The following RCSD1 variants were observed in gnomAD, a reference collection of about 807,000 sequenced individuals.
RCSD1 encodes the protein capZ-interacting protein.
A neutral mutation model predicts 42.5 loss-of-function variants in RCSD1; 26 were observed. The observed-to-expected ratio is 0.61, with a 90% CI of 0.45 to 0.85. The LOEUF is 0.85. Ranked by LOEUF, RCSD1 falls within the 40% of genes least tolerant of loss-of-function variation. RCSD1 has a pLI of 0.00. For synonymous variants in RCSD1, 220 were observed against 212.2 expected, an observed-to-expected ratio of 1.04 and a Z score of -0.32; for missense variants, 571 against 528.3, an observed-to-expected ratio of 1.08 and a Z score of -0.79.
Position 167,697,681 on chromosome 1 carries a change from C to G in RCSD1, c.1057C>G (p.Pro353Ala). 1 of 1,604,696 alleles carries G rather than the reference C, an allele frequency of 6.2e-7. No homozygotes were observed. The highest frequency in any genetic ancestry group is 8.5e-7 in the Non-Finnish European group (1 of 1,175,962). ...AAVKETPHSP[P>A]GGVKGGDVPK... Reference sequence around the variant, plus strand: ...AGTGAAGGAGACCCCCCACAGTCCCCCTGGAGGAGTGAAGGGCGGAGATGT... The same window carrying G: ...AGTGAAGGAGACCCCCCACAGTCCCGCTGGAGGAGTGAAGGGCGGAGATGT... Residue 353 changes from proline to alanine, a missense_variant, in exon 6 of 7, where the codon CCT (proline) becomes GCT (alanine). Transcript: ENST00000367854.
At chr1:167,654,083 G>A (rs16859384) in intron 1 of RCSD1, among the ~76,000 whole-genome samples, 55,997 of 152,018 alleles carry the variant, frequency 0.37, 10,580 homozygotes, top group East Asian at 0.61. Flanking sequence ...GTAGTTTTCA[G>A]GATCAAATGA....
chr1:167,693,001 A>G (rs58089954), intron 4 of RCSD1, among the ~76,000 whole-genome samples: 5,325 of 152,296 alleles, frequency 0.035, 125 homozygotes, highest in African/African-American at 0.066. Flanking sequence ...GTTTGGACAG[A>G]CAAAGAATCT....
At chr1:167,684,385 C>A (rs1659169346) in intron 2 of RCSD1, among the ~76,000 whole-genome samples, 1 of 152,178 alleles carries the variant, frequency 6.6e-6, no homozygotes, top group Non-Finnish European at 1.5e-5. Flanking sequence ...CAAGGCAAGG[C>A]TGGGGCAGAC....
At chr1:167,672,069 A>ACTC (rs200679630) in intron 1 of RCSD1, among the ~76,000 whole-genome samples, 2 of 149,224 alleles carry the variant, frequency 1.3e-5, no homozygotes, top group East Asian at 2.0e-4. Flanking sequence ...CTCAATGTCA[A>ACTC]CTCCTCCTCC....
At position 167,690,129 on chromosome 1, in the gene RCSD1, A is replaced by G; in HGVS notation, c.270+9A>G. ...TGATTGAGAAGCTTCAGGTAAGTGCAGAATTCATTGTCTATTGCTACCTTT... is the reference window on the plus strand; with the variant it reads ...TGATTGAGAAGCTTCAGGTAAGTGCGGAATTCATTGTCTATTGCTACCTTT... On this transcript the variant is annotated intron_variant, in intron 4 of 6. Coordinates refer to ENST00000367854, the MANE Select transcript of RCSD1 (RefSeq NM_052862.4). The G allele has an allele frequency of 6.2e-7, 1 of 1,613,486 alleles. No homozygotes were observed. The highest frequency in any genetic ancestry group is 8.5e-7 in the Non-Finnish European group (1 of 1,179,554).
intron 3 of RCSD1, among the ~76,000 whole-genome samples, chr1:167,689,459 G>A (rs1336624443): frequency 6.8e-6 from 1 of 147,340 alleles, no homozygotes; most frequent in Non-Finnish European, 1.5e-5. Context: ...TCCAGATTGA[G>A]GAACAAGCAG....
At chr1:167,644,509 A>C (rs954246878) in intron 1 of RCSD1, among the ~76,000 whole-genome samples, 1 of 151,818 alleles carries the variant, frequency 6.6e-6, no homozygotes, top group African/African-American at 2.4e-5. Context: ...ACATACATAC[A>C]TACATACATA....
At chr1:167,635,342 C>A (rs1480389020) in intron 1 of RCSD1, among the ~76,000 whole-genome samples, 1 of 152,138 alleles carries the variant, frequency 6.6e-6, no homozygotes, top group Non-Finnish European at 1.5e-5. Context: ...TTCTGTGGGA[C>A]CCTCACCCTC....
intron 1 of RCSD1, among the ~76,000 whole-genome samples, chr1:167,645,861 G>A (rs776476262): frequency 1.7e-4 from 26 of 152,192 alleles, no homozygotes; most frequent in Admixed American, 2.6e-4. Flanking sequence ...CAGCACTGAT[G>A]CTGCCTGCTT....
intron 1 of RCSD1, among the ~76,000 whole-genome samples, chr1:167,682,051 G>C (rs972756832): frequency 1.3e-5 from 2 of 152,174 alleles, no homozygotes; most frequent in African/African-American, 4.8e-5. Flanking sequence ...GGCTGGTATG[G>C]AGATGAGCTT....
chr1:167,704,656 G>T lies in RCSD1; in HGVS notation c.1219-8G>T. The T allele has an allele frequency of 6.2e-7, 1 of 1,611,852 alleles. No homozygotes were observed. The highest frequency in any genetic ancestry group is 8.5e-7 in the Non-Finnish European group (1 of 1,178,302). ...TTCCTAATTAATTCTTTCCTCCCCT[G>T]TTCACAGGATGACACTCCTGTCCAG... On this transcript the variant is annotated splice_polypyrimidine_tract_variant and splice_region_variant and intron_variant, in intron 6 of 6. Transcript: ENST00000367854.
chr1:167,696,513 G>A (rs183211863), intron 5 of RCSD1, among the ~76,000 whole-genome samples: 57 of 150,894 alleles, frequency 3.8e-4, no homozygotes, highest in African/African-American at 1.2e-3. Context: ...GTGCCATGGT[G>A]TGATGACAGC....
At chr1:167,704,591 C>T (rs1041542978) in intron 6 of RCSD1, 73 bp from the exon 7 acceptor site, 1 of 1,290,114 alleles carries the variant, frequency 7.8e-7, no homozygotes. Context: ...ATCCATCATC[C>T]CCAAGGAGGG....
chr1:167,700,020 T>A (rs73035741), intron 6 of RCSD1, among the ~76,000 whole-genome samples: 6,460 of 152,296 alleles, frequency 0.042, 454 homozygotes, highest in African/African-American at 0.15. Flanking sequence ...GTGTATTTTT[T>A]AATTGTATTT....
chr1:167,673,835 C>T (rs1335118651), intron 1 of RCSD1, among the ~76,000 whole-genome samples: 1 of 152,216 alleles, frequency 6.6e-6, no homozygotes, highest in East Asian at 1.9e-4. Context: ...TCCTTCTCCC[C>T]TCATGCCCAC....
At chr1:167,656,213 G>A (rs903900027) in intron 1 of RCSD1, among the ~76,000 whole-genome samples, 4 of 152,102 alleles carry the variant, frequency 2.6e-5, no homozygotes, top group African/African-American at 4.8e-5. Context: ...AGGCGCAAGC[G>A]GAGGACTTGA....
chr1:167,638,955 T>C (rs756998527), intron 1 of RCSD1, among the ~76,000 whole-genome samples: 24 of 152,202 alleles, frequency 1.6e-4, no homozygotes, highest in Admixed American at 2.6e-4. Context: ...CGGTGGCTTA[T>C]GCCTGTAATC....
intron 1 of RCSD1, among the ~76,000 whole-genome samples, chr1:167,644,617 G>A (rs1156381081): frequency 6.6e-6 from 1 of 152,092 alleles, no homozygotes; most frequent in East Asian, 1.9e-4. Flanking sequence ...GAAACGAGGA[G>A]GTAGGAAATG....
At chr1:167,678,636 C>T (rs991272593) in intron 1 of RCSD1, among the ~76,000 whole-genome samples, 1 of 152,206 alleles carries the variant, frequency 6.6e-6, no homozygotes, top group Non-Finnish European at 1.5e-5. Flanking sequence ...CCACTCCTGT[C>T]CCTCCTCCAC....
Sources: allele counts gnomAD v4.1 joint callset (sites outside exome capture counted in the v4.1 genomes callset), GRCh38; gene constraint gnomAD v4.1.1; transcripts MANE v1.5; gene names NCBI Gene and HGNC (gene_info 2026-07-23, HGNC 2026-07-21).